Variants in PDS5A observed in about 807,000 individuals in gnomAD.
PDS5A encodes PDS5 cohesin associated factor A, also known as sister chromatid cohesion protein PDS5 homolog A.
A neutral mutation model predicts 167.1 loss-of-function variants in PDS5A; 42 were observed. That is an observed-to-expected ratio of 0.25 (90% confidence interval 0.20 to 0.33). PDS5A has a LOEUF of 0.33. PDS5A is among the 10% of genes least tolerant of loss of function. PDS5A has a pLI of 1.00. For synonymous variants in PDS5A, 553 were observed against 554.6 expected (o/e 1.00, Z 0.04); for missense variants, 1,033 against 1,605.9 (o/e 0.64, Z 6.10).
At chr4:39,864,700 C>T (rs897429065) in intron 23 of PDS5A, among the ~76,000 whole-genome samples, 1 of 152,206 alleles carries the variant, frequency 6.6e-6, no homozygotes, top group African/African-American at 2.4e-5. Flanking sequence ...GTTTCTATGG[C>T]ATTCATTCAG....
At chr4:39,959,227 T>C (rs181858600) in intron 2 of PDS5A, among the ~76,000 whole-genome samples, 360 of 152,332 alleles carry the variant, frequency 2.4e-3, no homozygotes, top group Non-Finnish European at 3.6e-3. Context: ...AATGCTGTTA[T>C]TTAAGGGCTG....
chr4:39,852,382 C>T (rs1453795086), intron 26 of PDS5A, among the ~76,000 whole-genome samples: 3 of 152,110 alleles, frequency 2.0e-5, no homozygotes, highest in East Asian at 3.8e-4. Context: ...ACCCATCCTA[C>T]GAAGTACACA....
intron 31 of PDS5A, among the ~76,000 whole-genome samples, chr4:39,839,074 C>T (rs1716705974): frequency 6.6e-6 from 1 of 152,066 alleles, no homozygotes; most frequent in African/African-American, 2.4e-5. Flanking sequence ...AACTCAATGT[C>T]TATGGCAATA....
chr4:39,842,784 T>A (rs1437744947), intron 30 of PDS5A, among the ~76,000 whole-genome samples: 1 of 151,056 alleles, frequency 6.6e-6, no homozygotes, highest in African/African-American at 2.4e-5. Context: ...AGTATGTTTA[T>A]GAAAAAAATT....
In PDS5A at chr4:39,960,564, A is replaced by G. The variant is rs147336096; in HGVS notation, c.138+15876T>C. Among the ~76,000 whole-genome samples, 36 of 151,918 alleles carry G rather than the reference A, an allele frequency of 2.4e-4. 1 individual carries two copies. The highest frequency in any genetic ancestry group is 8.5e-4 in the Admixed American group (13 of 15,232). On this transcript the variant is annotated intron_variant, in intron 2 of 32. Coordinates refer to ENST00000303538, the MANE Select transcript of PDS5A (RefSeq NM_001100399.2). ...TTATCTTGAACATTTTTTTTTTTTA[A>G]GAGACAGGGTCTTCCTCTGTCACAC...
At chr4:39,893,967 G>A (rs765350485) in intron 16 of PDS5A, among the ~76,000 whole-genome samples, 8 of 152,184 alleles carry the variant, frequency 5.3e-5, no homozygotes, top group South Asian at 4.1e-4. Flanking sequence ...GTGAGCCACC[G>A]CGCCCAGCCT....
intron 21 of PDS5A, among the ~76,000 whole-genome samples, chr4:39,870,241 T>C (rs1719907741): frequency 6.6e-6 from 1 of 152,154 alleles, no homozygotes; most frequent in African/African-American, 2.4e-5. Flanking sequence ...ATTTAATAGC[T>C]AAAACCATAA....
chr4:39,974,222 T>C, intron 2 of PDS5A: 1 of 566,500 alleles, frequency 1.8e-6, no homozygotes, highest in Non-Finnish European at 3.6e-6. Flanking sequence ...ACCTCATCCA[T>C]TCCAATATGC....
intron 2 of PDS5A, among the ~76,000 whole-genome samples, chr4:39,935,088 T>C (rs1042103217): frequency 2.6e-5 from 4 of 152,242 alleles, no homozygotes; most frequent in African/African-American, 7.2e-5. Flanking sequence ...AATCATTACC[T>C]AACCAAAAGT....
intron 20 of PDS5A, among the ~76,000 whole-genome samples, chr4:39,873,583 T>C (rs1017981852): frequency 1.3e-5 from 2 of 151,066 alleles, no homozygotes; most frequent in Non-Finnish European, 3.0e-5. Context: ...TTTCTAATAG[T>C]AAAATGAGGC....
At chr4:39,866,116 A>ATT (rs1390581890) in intron 23 of PDS5A, among the ~76,000 whole-genome samples, 1 of 151,894 alleles carries the variant, frequency 6.6e-6, no homozygotes, top group Non-Finnish European at 1.5e-5. Flanking sequence ...TTTTATTTTT[A>ATT]TTTATTTATT....
At position 39,951,257 on chromosome 4, in the gene PDS5A, G is replaced by A. The variant is rs1298026238; in HGVS notation, c.139-23093C>T. ...TAGTCTTTCTGTGACTACATAATGA[G>A]GACAGCAATATAATCTTGTAAGATT... On this transcript the variant is annotated intron_variant, in intron 2 of 32. Transcript: ENST00000303538. Among the ~76,000 whole-genome samples, 6 of 152,126 alleles carry A rather than the reference G, an allele frequency of 3.9e-5. No homozygotes were observed. The South Asian group carries it at 1.0e-3, about 26-fold the overall frequency.
Position 39,904,051 on chromosome 4 carries a change from G to T in PDS5A, c.1374C>A (p.Ser458Arg). 1 of 1,607,672 alleles carries T rather than the reference G, an allele frequency of 6.2e-7. No individual in the cohort carries two copies. The highest frequency in any genetic ancestry group is 1.3e-5 in the African/African-American group (1 of 74,844). ...CATATTAAACTCACTTGTCGTCAAT[G>T]CTGTTCTGATAATAAATATGCAGAA... ...DKLLHIYYQNSIDDKLLVEKI... is the reference protein window; with the variant it reads ...DKLLHIYYQNRIDDKLLVEKI... Residue 458 changes from serine (S) to arginine (R), a missense_variant, in exon 12 of 33, where the codon AGC becomes AGA. Ser to Arg is a moderately radical substitution (Grantham distance 110, BLOSUM62 -1). Around this residue, in one of 4 missense-constraint regions of PDS5A, gnomAD observed 388 missense variants for 615.1 expected, o/e 0.63. Transcript: ENST00000303538.
chr4:39,873,985 A>G lies in PDS5A; in HGVS notation c.2277+304T>C, dbSNP rs534352805. Among the ~76,000 whole-genome samples, 93 of 152,354 alleles carry G rather than the reference A, an allele frequency of 6.1e-4. No homozygotes were observed. The Middle Eastern group carries it at 0.014, about 22-fold the overall frequency. On this transcript the variant is annotated intron_variant, in intron 20 of 32. Transcript: ENST00000303538. ...CTTGAACCTAGGAATTCGGGGCTGCAGTGAGCAGAGATTGCATCACTGTAC... is the reference window on the plus strand; with the variant it reads ...CTTGAACCTAGGAATTCGGGGCTGCGGTGAGCAGAGATTGCATCACTGTAC...
intron 30 of PDS5A, 46 bp downstream of exon 30, chr4:39,844,610 C>CGGT (rs770073947): frequency 8.6e-5 from 130 of 1,505,784 alleles, no homozygotes; most frequent in Admixed American, 4.5e-4. Context: ...AAAAGATAAA[C>CGGT]CAAGTAGTGA....
chr4:39,974,238 G>A (rs2109832656), intron 2 of PDS5A: 6 of 560,632 alleles, frequency 1.1e-5, no homozygotes, highest in South Asian at 6.9e-5. Context: ...TATGCCAGGT[G>A]CTATCCCCAA....
intron 17 of PDS5A, among the ~76,000 whole-genome samples, chr4:39,885,613 A>T (rs1721380436): frequency 6.6e-6 from 1 of 151,944 alleles, no homozygotes; most frequent in Non-Finnish European, 1.5e-5. Context: ...GAAAAAGAAA[A>T]GAAAATCTTA....
intron 2 of PDS5A, among the ~76,000 whole-genome samples, chr4:39,961,052 C>CT (rs1301351871): frequency 8.0e-6 from 1 of 124,248 alleles, no homozygotes; most frequent in Admixed American, 7.8e-5. Context: ...TCAAGCAATC[C>CT]TCCACCTCGC....
intron 26 of PDS5A, among the ~76,000 whole-genome samples, chr4:39,857,268 C>T (rs540249104): frequency 6.6e-6 from 1 of 150,516 alleles, no homozygotes; most frequent in Admixed American, 6.7e-5. Context: ...AGAAGAATGG[C>T]GTGAACCCGG....
Sources: allele counts gnomAD v4.1 joint callset (sites outside exome capture counted in the v4.1 genomes callset), GRCh38; gene constraint gnomAD v4.1.1; regional missense constraint gnomAD v4.1.1; transcripts MANE v1.5; gene names NCBI Gene and HGNC (gene_info 2026-07-23, HGNC 2026-07-21).